The following KCNIP4 variants were observed in gnomAD, a reference collection of about 807,000 sequenced individuals.
KCNIP4 encodes potassium voltage-gated channel interacting protein 4, also known as Kv channel-interacting protein 4.
In KCNIP4, 12 loss-of-function variants were observed where a neutral mutation model predicts 34.0. The observed-to-expected ratio is 0.35, with a 90% CI of 0.23 to 0.57. KCNIP4 has a LOEUF of 0.57. Among genes scored for constraint, KCNIP4 ranks in the 20% least tolerant of loss-of-function variants. The pLI is 0.83. For synonymous variants in KCNIP4, 124 were observed against 102.2 expected (o/e 1.21, Z -1.29); for missense variants, 238 against 311.7 (o/e 0.76, Z 1.78).
At chr4:20,815,642 A>G (rs1716277816) in intron 3 of KCNIP4, among the ~76,000 whole-genome samples, 2 of 152,190 alleles carry the variant, frequency 1.3e-5, no homozygotes, top group African/African-American at 4.8e-5. Flanking sequence ...CTGGAATGCT[A>G]ACTTCTTGCA....
intron 1 of KCNIP4, among the ~76,000 whole-genome samples, chr4:20,933,752 A>AAAAAG (rs1553917688): frequency 1.3e-5 from 2 of 151,776 alleles, no homozygotes; most frequent in African/African-American, 4.8e-5. Flanking sequence ...GAAAAAAAAA[A>AAAAAG]AAAGAAAGAA....
rs75071419 is a variant in KCNIP4 at position 21,394,320 on chromosome 4, C to T, written c.62-511611G>A. 5.4e-3 allele frequency among the ~76,000 whole-genome samples: 829 copies of T among 152,170 alleles called. 8 individuals carry two copies. Among genetic ancestry groups the T allele is most frequent in the African/African-American group, 0.019 (771 of 41,522 alleles). On this transcript the variant is annotated intron_variant, in intron 1 of 8. Transcript: ENST00000382152. ...AATCTTTACAGTTTTCTCACTTCTT[C>T]GGGGGACAGTCTACCCTCTACTTCT...
In KCNIP4 at chr4:21,781,305, T is replaced by C. The variant is rs1482360761; in HGVS notation, c.61+167266A>G. Among the ~76,000 whole-genome samples, 11 of 152,158 alleles carry C rather than the reference T, an allele frequency of 7.2e-5. 1 individual carries two copies. The highest frequency in any genetic ancestry group is 6.5e-4 in the Admixed American group (10 of 15,268). On this transcript the variant is annotated intron_variant, in intron 1 of 8. Transcript: ENST00000382152. ...TTCCCTTTCACCTTCTGCCATAATT[T>C]AAGTTTCCTGAGGCCTCCTTAGCTA...
intron 1 of KCNIP4, among the ~76,000 whole-genome samples, chr4:21,046,180 G>T (rs187523084): frequency 6.6e-6 from 1 of 152,308 alleles, no homozygotes; most frequent in East Asian, 1.9e-4. Context: ...GCATTATCAT[G>T]ATTTCTAGTA....
At chr4:21,700,502 T>C (rs1344923383) in intron 1 of KCNIP4, among the ~76,000 whole-genome samples, 6 of 152,146 alleles carry the variant, frequency 3.9e-5, no homozygotes, top group Non-Finnish European at 5.9e-5. Context: ...TTATCAGATG[T>C]ATGGTTTGCA....
At chr4:21,502,616 TG>T (rs1733462990) in intron 1 of KCNIP4, among the ~76,000 whole-genome samples, 1 of 152,232 alleles carries the variant, frequency 6.6e-6, no homozygotes. Context: ...TGTGAAATTT[TG>T]CCTAAGTTAT....
At chr4:21,315,104 T>C (rs913557393) in intron 1 of KCNIP4, among the ~76,000 whole-genome samples, 3 of 152,192 alleles carry the variant, frequency 2.0e-5, no homozygotes, top group African/African-American at 7.2e-5. Context: ...CAGTCTCAGT[T>C]ACATTACCTA....
At chr4:21,620,601 T>A (rs1226017800) in intron 1 of KCNIP4, among the ~76,000 whole-genome samples, 1 of 152,104 alleles carries the variant, frequency 6.6e-6, no homozygotes, top group Non-Finnish European at 1.5e-5. Flanking sequence ...TCCTGTTAAC[T>A]GAATAGAAAG....
chr4:21,669,136 C>CCTCT (rs1304983637), intron 1 of KCNIP4, among the ~76,000 whole-genome samples: 2 of 151,832 alleles, frequency 1.3e-5, no homozygotes, highest in African/African-American at 2.4e-5. Context: ...TCCCTCCCTC[C>CCTCT]CTTCCTTCCT....
chr4:21,445,605 C>T (rs919361459), intron 1 of KCNIP4, among the ~76,000 whole-genome samples: 40 of 149,172 alleles, frequency 2.7e-4, no homozygotes, highest in Admixed American at 1.1e-3. Flanking sequence ...CTTCCTTACA[C>T]CTTATACAAA....
chr4:21,806,026 G>A (rs1159151662), intron 1 of KCNIP4, among the ~76,000 whole-genome samples: 3 of 152,140 alleles, frequency 2.0e-5, no homozygotes, highest in African/African-American at 4.8e-5. Flanking sequence ...ATTGTATCCT[G>A]GTTTTCTTCT....
intron 1 of KCNIP4, among the ~76,000 whole-genome samples, chr4:21,801,133 T>C (rs957918457): frequency 2.6e-5 from 4 of 152,198 alleles, no homozygotes; most frequent in African/African-American, 9.7e-5. Context: ...ATTTAACTAG[T>C]GTGTGAGAGA....
chr4:20,790,672 T>C (rs982334295), intron 3 of KCNIP4, among the ~76,000 whole-genome samples: 5 of 152,156 alleles, frequency 3.3e-5, no homozygotes, highest in African/African-American at 1.2e-4. Context: ...CTTCCACATC[T>C]TGTCCCACTG....
intron 1 of KCNIP4, among the ~76,000 whole-genome samples, chr4:21,226,428 A>G (rs1758411980): frequency 6.7e-6 from 1 of 149,584 alleles, no homozygotes; most frequent in African/African-American, 2.6e-5. Context: ...TGGTTGCCAC[A>G]TAGGATTTTG....
chr4:20,820,498 T>C (rs1309717702), intron 3 of KCNIP4, among the ~76,000 whole-genome samples: 1 of 152,018 alleles, frequency 6.6e-6, no homozygotes, highest in African/African-American at 2.4e-5. Context: ...CAAAAAGAAC[T>C]CAAAAGATTT....
chr4:20,797,747 C>T (rs769321135), intron 3 of KCNIP4, among the ~76,000 whole-genome samples: 2 of 152,096 alleles, frequency 1.3e-5, no homozygotes, highest in Non-Finnish European at 2.9e-5. Flanking sequence ...AAGAGCAGTC[C>T]CTGGCTGTGG....
At chr4:20,763,176 C>A (rs750839303) in intron 3 of KCNIP4, among the ~76,000 whole-genome samples, 1 of 152,156 alleles carries the variant, frequency 6.6e-6, no homozygotes, top group East Asian at 1.9e-4. Flanking sequence ...GTTGAACATA[C>A]CTAACCTGAA....
intron 1 of KCNIP4, among the ~76,000 whole-genome samples, chr4:21,632,712 G>A (rs1745850845): frequency 6.6e-6 from 1 of 152,162 alleles, no homozygotes; most frequent in Non-Finnish European, 1.5e-5. Flanking sequence ...ACAAACTTAT[G>A]AGGGAAGCAG....
At chr4:20,835,210 T>C (rs1042305281) in intron 3 of KCNIP4, among the ~76,000 whole-genome samples, 1 of 152,162 alleles carries the variant, frequency 6.6e-6, no homozygotes, top group Non-Finnish European at 1.5e-5. Context: ...TTTCTTTCCA[T>C]CTCTCTGGTT....
Sources: gnomAD v4.1 joint callset for allele counts (sites outside exome capture counted in the v4.1 genomes callset) on GRCh38, gnomAD v4.1.1 for gene constraint, MANE v1.5 for transcripts, NCBI Gene and HGNC (gene_info 2026-07-23, HGNC 2026-07-21) for gene names.